The following TTN variants were observed in gnomAD, a reference collection of about 807,000 sequenced individuals.
TTN encodes titin.
In TTN, 1,525 loss-of-function variants were observed where a neutral mutation model predicts 3,223.0. That is an observed-to-expected ratio of 0.47 (90% CI 0.45 to 0.49). The LOEUF (loss-of-function observed/expected upper bound fraction) is 0.49, where lower values mean the gene tolerates loss of function less well. Ranked by LOEUF, TTN falls within the 20% of genes least tolerant of loss-of-function variation. TTN has a pLI of 0.00. For missense variants in TTN, 40,786 were observed against 43,424.0 expected (o/e 0.94, Z 5.40); for synonymous variants, 14,094 against 15,161.0 (o/e 0.93, Z 5.17).
At chr2:178,691,924 A>C in intron 121 of TTN, 92 bp downstream of exon 121, 1 of 1,028,380 alleles carries the variant, frequency 9.7e-7, no homozygotes. Context: ...AAGAGACAAA[A>C]GACAAAGGCA....
rs1437140291 is a variant in TTN, at chr2:178,582,364, C to G, written c.66092G>C (p.Cys22031Ser). 6.2e-7 allele frequency: 1 copy of G among 1,611,124 alleles called. No individual in the cohort carries two copies. ...GCCTACTCCATATTTATTTTCAGCA[C>G]AAATACGGAACTGATACTCATGGCC... ...IEGHEYQFRI[C>S]AENKYGVGDP... Residue 22031 changes from cysteine to serine, a missense_variant, in exon 314 of 363, where the codon TGT (cysteine) becomes TCT (serine). Cys to Ser is a moderately radical substitution (Grantham distance 112). Coordinates refer to ENST00000589042, the MANE Select transcript of TTN (RefSeq NM_001267550.2).
In TTN at chr2:178,601,011, C is replaced by A; in HGVS notation, c.55893G>T (p.Trp18631Cys). 6.2e-7 allele frequency: 1 copy of A among 1,613,038 alleles called. No homozygotes were observed. Among genetic ancestry groups the A allele is most frequent in the Non-Finnish European group, 8.5e-7 (1 of 1,179,358 alleles). Residue 18631 changes from tryptophan (W) to cysteine (C), a missense_variant, in exon 288 of 363, where the codon TGG becomes TGT. Coordinates refer to ENST00000589042, the MANE Select transcript of TTN (RefSeq NM_001267550.2). ...WDPTGTKKEA[W>C]RQCNKRDVEE... ...CCACATCACGCTTATTGCACTGCCTCCAGGCTTCTTTCTTTGTCCCAGTAG... is the reference window on the plus strand; with the variant it reads ...CCACATCACGCTTATTGCACTGCCTACAGGCTTCTTTCTTTGTCCCAGTAG...
intron 43 of TTN, among the ~76,000 whole-genome samples, chr2:178,763,751 C>A (rs1356232780): frequency 2.0e-5 from 3 of 152,170 alleles, no homozygotes; most frequent in Non-Finnish European, 4.4e-5. Flanking sequence ...ACCTTTCACA[C>A]AAGCATTGTC....
At position 178,587,630 on chromosome 2, in the gene TTN, T is replaced by G; in HGVS notation, c.63679A>C (p.Thr21227Pro). The change falls in exon 306 of 363, where the codon ACT (threonine) becomes CCT (proline). Residue 21227 changes from threonine (T) to proline (P), a missense_variant. Physicochemically the swap from Thr to Pro is conservative, Grantham distance 38 (BLOSUM62 -1). Transcript: ENST00000589042. ...TTGGGGATGACAAGGAAGGCCATAGTGTCAACCAGATCAACTTGTCCTTTT... is the reference window on the plus strand; with the variant it reads ...TTGGGGATGACAAGGAAGGCCATAGGGTCAACCAGATCAACTTGTCCTTTT... ...VRKGQVDLVD[T>P]MAFLVIPNST... 6.2e-7 allele frequency: 1 copy of G among 1,612,764 alleles called. No individual in the cohort carries two copies. The highest frequency in any genetic ancestry group is 8.5e-7 in the Non-Finnish European group (1 of 1,179,404).
chr2:178,618,577 G>C lies in TTN; in HGVS notation c.46966+7C>G, dbSNP rs755113165. On this transcript the variant is annotated splice_region_variant and intron_variant, in intron 251 of 362. Transcript: ENST00000589042. ...GCCAATTAAGTCTGAGAGACCCAAG[G>C]GCTTACCAATAACTTTTAAATTGAT... 6.2e-7 allele frequency: 1 copy of C among 1,610,988 alleles called. No homozygotes were observed. Among genetic ancestry groups the C allele is most frequent in the Non-Finnish European group, 8.5e-7 (1 of 1,178,810 alleles).
Position 178,587,913 on chromosome 2 carries a change from G to A in TTN, c.63494C>T (p.Pro21165Leu). The change falls in exon 305 of 363, where the codon CCT (proline) becomes CTT (leucine). Residue 21165 changes from proline to leucine, a missense_variant. Pro to Leu is a moderately conservative substitution (Grantham distance 98, BLOSUM62 -3). Transcript: ENST00000589042. ...RPAELKEAIK[P>L]KEILEPPEID... ...GAAGGACTTACCTAGTATTTCTTTA[G>A]GTTTGATAGCTTCCTTTAGCTCTGC... The A allele has an allele frequency of 2.5e-6, 4 of 1,595,184 alleles. No homozygotes were observed. Among genetic ancestry groups the A allele is most frequent in the Non-Finnish European group, 3.4e-6 (4 of 1,168,358 alleles).
chr2:178,734,676 A>G (rs2081134445), intron 51 of TTN, 31 bp downstream of exon 51: 5 of 1,579,182 alleles, frequency 3.2e-6, no homozygotes, highest in Non-Finnish European at 4.3e-6. Context: ...TTTTCTCAGA[A>G]AAATACTGGA....
chr2:178,674,249 T>C (rs571343122), intron 151 of TTN, 65 bp downstream of exon 151: 350 of 916,692 alleles, frequency 3.8e-4, no homozygotes, highest in Non-Finnish European at 5.5e-4. Flanking sequence ...ATCTTAGATT[T>C]AGCTACTGAG....
chr2:178,635,587 T>C lies in TTN; in HGVS notation c.41737A>G (p.Ile13913Val). Residue 13913 changes from isoleucine to valine, a missense_variant, in exon 227 of 363, where the codon ATC (isoleucine) becomes GTC (valine). Transcript: ENST00000589042. ...GTCTTATCATTTGGTTCCGCAGGGA[T>C]TTCATCATATCCTTTGAACCACTTA... ...NIKWFKGYDE[I>V]PAEPNDKTEI... is the part of the protein sequence containing the mutation. 1 of 1,594,118 alleles carries C rather than the reference T, an allele frequency of 6.3e-7. No individual in the cohort carries two copies.
chr2:178,680,111 A>G (rs2069009924), intron 139 of TTN, 56 bp from the exon 140 acceptor site: 1 of 1,599,302 alleles, frequency 6.3e-7, no homozygotes, highest in African/African-American at 1.4e-5. Flanking sequence ...CAAAATTAAG[A>G]CACCTTAGAA....
At position 178,569,219 on chromosome 2, in the gene TTN, A is replaced by G. The variant is rs771843047; in HGVS notation, c.76913T>C (p.Val25638Ala). The G allele has an allele frequency of 1.2e-6, 2 of 1,606,088 alleles. No individual in the cohort carries two copies. Among genetic ancestry groups the G allele is most frequent in the Non-Finnish European group, 8.5e-7 (1 of 1,175,762 alleles). ...TTTTCTTGTGGCTTCACGTTTCTCA[A>G]CAATGTAATTTTTTATTTTGGATCC... ...DGGSKIKNYI[V>A]EKREATRKSY... Residue 25638 changes from valine (V) to alanine (A), a missense_variant, in exon 326 of 363, where the codon GTT becomes GCT. By Grantham distance (64) the Val-to-Ala change is moderately conservative (BLOSUM62 0). Transcript: ENST00000589042.
chr2:178,722,401 A>T lies in TTN; in HGVS notation c.22386T>A (p.Asp7462Glu), dbSNP rs183482849. The change falls in exon 77 of 363, where the codon GAT becomes GAA. Residue 7462 changes from aspartate (D) to glutamate (E), a missense_variant. By Grantham distance (45) the Asp-to-Glu change is conservative (BLOSUM62 2). Coordinates refer to ENST00000589042, the MANE Select transcript of TTN (RefSeq NM_001267550.2). ...CTACAAATGAAGTCTGTAGATTTTC[A>T]TCGTCTCTTAAAAGTACTCCATCTC... ...WYRDGVLLRD[D>E]ENLQTSFVDN... 7.9e-5 allele frequency: 128 copies of T among 1,613,432 alleles called. No homozygotes were observed. The highest frequency in any genetic ancestry group is 9.5e-5 in the Non-Finnish European group (112 of 1,179,554).
In TTN at chr2:178,767,818, C is replaced by A. The variant is rs781368593; in HGVS notation, c.9412G>T (p.Ala3138Ser). 1 of 1,614,002 alleles carries A rather than the reference C, an allele frequency of 6.2e-7. No homozygotes were observed. Among genetic ancestry groups the A allele is most frequent in the Non-Finnish European group, 8.5e-7 (1 of 1,180,000 alleles). ...TCTCTGCCTTCTACAAAGAGTTTTG[C>A]AGTTGACACGTTGCCTCCTGCCACC... ...TVVAGGNVSTAKLFVEGRDVR... is the reference protein window; with the variant it reads ...TVVAGGNVSTSKLFVEGRDVR... The change falls in exon 40 of 363, where the codon GCA (alanine) becomes TCA (serine). Residue 3138 changes from alanine to serine, a missense_variant. Transcript: ENST00000589042.
chr2:178,534,354 T>A lies in TTN; in HGVS notation c.102261A>T (p.Thr34087=), dbSNP rs751376246. 6.2e-7 allele frequency: 1 copy of A among 1,611,930 alleles called. No homozygotes were observed. Among genetic ancestry groups the A allele is most frequent in the Non-Finnish European group, 8.5e-7 (1 of 1,179,828 alleles). Residue 34087 remains threonine (T), a synonymous_variant, in exon 358 of 363, where the codon ACA becomes ACT. Coordinates refer to ENST00000589042, the MANE Select transcript of TTN (RefSeq NM_001267550.2). ...TGTGGTAATAACGCCGGTGTTTTAA[T>A]GTTCTGATAACTTTAGTACTGACTC... The part of the protein sequence containing the change: ...IERVSTKVIR[T]LKHRRYYHTL...
At chr2:178,788,385 A>C (rs910854420) in intron 13 of TTN, among the ~76,000 whole-genome samples, 3 of 152,110 alleles carry the variant, frequency 2.0e-5, no homozygotes, top group Non-Finnish European at 4.4e-5. Context: ...AACAAAAGTA[A>C]AAAGTTAATC....
Position 178,582,486 on chromosome 2 carries a change from G to C in TTN, c.65970C>G (p.Asn21990Lys). Reference protein sequence around the residue: ...PLEDGGSEITNYIVDKRETSR... With the variant: ...PLEDGGSEITKYIVDKRETSR... The stretch of plus-strand genomic sequence containing the variant: ...TTGTTTCACGTTTGTCAACAATATA[G>C]TTGGTGATTTCTGAGCCTCCATCTT... Residue 21990 changes from asparagine to lysine, a missense_variant, in exon 314 of 363, where the codon AAC becomes AAG. Asn to Lys is a moderately conservative substitution (Grantham distance 94). Coordinates refer to ENST00000589042, the MANE Select transcript of TTN (RefSeq NM_001267550.2). 1 of 1,612,930 alleles carries C rather than the reference G, an allele frequency of 6.2e-7. No homozygotes were observed. The highest frequency in any genetic ancestry group is 8.5e-7 in the Non-Finnish European group (1 of 1,179,302).
At position 178,531,223 on chromosome 2, in the gene TTN, A is replaced by T; in HGVS notation, c.105392T>A (p.Ile35131Asn). Residue 35131 changes from isoleucine (I) to asparagine (N), a missense_variant, in exon 358 of 363, where the codon ATT becomes AAT. Physicochemically the swap from Ile to Asn is moderately radical, Grantham distance 149. Transcript: ENST00000589042. ...RKIKTTLAAR[I>N]LTKPRSMTVY... ...GGTCATGGACCGTGGCTTTGTTAGA[A>T]TTCTTGCTGCCAAAGTCGTCTTGAT... 6.2e-7 allele frequency: 1 copy of T among 1,613,906 alleles called. No homozygotes were observed. Among genetic ancestry groups the T allele is most frequent in the East Asian group, 2.2e-5 (1 of 44,876 alleles).
chr2:178,684,647 G>A lies in TTN; in HGVS notation c.32638+19C>T. On this transcript the variant is annotated intron_variant, in intron 131 of 362. Transcript: ENST00000589042. ...CAAGCCATATGTTCCTAGTTTTTCT[G>A]CTGGGGAGGTTTGTTTACCTTTGGC... The A allele has an allele frequency of 1.2e-6, 2 of 1,600,188 alleles. No individual in the cohort carries two copies. The highest frequency in any genetic ancestry group is 1.7e-6 in the Non-Finnish European group (2 of 1,174,620).
At chr2:178,668,418 G>A (rs2154262556) in intron 159 of TTN, among the ~76,000 whole-genome samples, 1 of 152,170 alleles carries the variant, frequency 6.6e-6, no homozygotes, top group East Asian at 1.9e-4. Flanking sequence ...GTTTCAACAG[G>A]AAATTTTTTA....
Sources: allele counts gnomAD v4.1 joint callset (sites outside exome capture counted in the v4.1 genomes callset), GRCh38; gene constraint gnomAD v4.1.1; transcripts MANE v1.5; gene names NCBI Gene and HGNC (gene_info 2026-07-23, HGNC 2026-07-21).